Variants in FADS1 observed in about 807,000 individuals in gnomAD.
FADS1 encodes the protein fatty acid desaturase 1.
A neutral mutation model predicts 61.6 loss-of-function variants in FADS1; 17 were observed. The ratio of observed to expected loss-of-function variants is 0.28; its 90% CI spans 0.19 to 0.41. The LOEUF is 0.41. Ranked by LOEUF, FADS1 falls within the 10% of genes least tolerant of loss-of-function variation. The pLI is 1.00. For synonymous variants in FADS1, 238 were observed against 258.7 expected (o/e 0.92, Z 0.77); for missense variants, 387 against 650.9 (o/e 0.59, Z 4.41).
chr11:61,804,640 G>C, intron 7 of FADS1, 45 bp downstream of exon 7: 1 of 1,546,864 alleles, frequency 6.5e-7, no homozygotes, highest in Non-Finnish European at 8.9e-7. Flanking sequence ...CCCACTCTGG[G>C]TGCTGGAGAC....
At chr11:61,811,138 C>T (rs1157113769) in intron 3 of FADS1, 63 bp from the exon 4 acceptor site, 23 of 1,214,510 alleles carry the variant, frequency 1.9e-5, no homozygotes, top group Non-Finnish European at 2.5e-5. Flanking sequence ...TCACTGACCT[C>T]GATGCCTCCT....
At position 61,799,905 on chromosome 11, in the gene FADS1, C is replaced by T. The variant is rs571947776; in HGVS notation, c.*2506G>A. On this transcript the variant is annotated 3_prime_UTR_variant, in exon 12 of 12. Transcript: ENST00000350997. Reference sequence around the variant, plus strand: ...GAGATCACTCATTTTACCATTGTAACATTCCGAGCCTTTTGTCACTGTGTG... The same window carrying T: ...GAGATCACTCATTTTACCATTGTAATATTCCGAGCCTTTTGTCACTGTGTG... The T allele has an allele frequency of 6.5e-6, 1 of 152,886 alleles. No homozygotes were observed. Among genetic ancestry groups the T allele is most frequent in the African/African-American group, 2.4e-5 (1 of 41,548 alleles). 9.5% of individuals were successfully genotyped at this position (152,886 alleles called of 1,614,324 possible).
rs1234259120 is a variant in FADS1 at position 61,815,311 on chromosome 11, T to G, written c.375+1244A>C. 1 of 161,280 alleles carries G rather than the reference T, an allele frequency of 6.2e-6. No individual in the cohort carries two copies. The highest frequency in any genetic ancestry group is 6.5e-5 in the Admixed American group (1 of 15,314). The allele number at this position is 161,280 out of a possible 1,614,324, so 10.0% of individuals were successfully genotyped here. On this transcript the variant is annotated intron_variant, in intron 1 of 11. Transcript: ENST00000350997. The surrounding 1 kb of genome is among the most constrained non-coding windows in gnomAD (Gnocchi z 6.4). ...GTCTGCGCATGCGCCGGGACACGCC[T>G]GCGCCCTTGGCCGCAGTCAGGGCTC...
rs2066979403 is a variant in FADS1 at position 61,816,104 on chromosome 11, C to A, written c.375+451G>T. 1.5e-6 allele frequency: 1 copy of A among 655,148 alleles called. No individual in the cohort carries two copies. 40.6% of individuals were successfully genotyped at this position (655,148 alleles called of 1,614,324 possible). On this transcript the variant is annotated intron_variant, in intron 1 of 11. Transcript: ENST00000350997. This position sits in a 1 kb window ranked among gnomAD's most constrained non-coding sequence, Gnocchi z 7.0. ...TCCTGCTGGCGAGTGGAGACCGGCACCTAGGTCCAGACGCGGCTGCGCTGC... is the reference window on the plus strand; with the variant it reads ...TCCTGCTGGCGAGTGGAGACCGGCAACTAGGTCCAGACGCGGCTGCGCTGC...
In FADS1 at chr11:61,801,452, T is replaced by G. The variant is rs904519793; in HGVS notation, c.*959A>C. The G allele has an allele frequency of 1.3e-5, 2 of 152,356 alleles. No individual in the cohort carries two copies. The highest frequency in any genetic ancestry group is 4.8e-5 in the African/African-American group (2 of 41,458). The allele number at this position is 152,356 out of a possible 1,614,324, so 9.4% of individuals were successfully genotyped here. ...TAAAGAGGTGAAAAGAAGAGGTGAA[T>G]TAAAAGATGAAAGAGCTTTTTAAAT... On this transcript the variant is annotated 3_prime_UTR_variant, in exon 12 of 12. Transcript: ENST00000350997.
At chr11:61,810,000 C>T (rs1247944399) in intron 5 of FADS1, among the ~76,000 whole-genome samples, 1 of 152,164 alleles carries the variant, frequency 6.6e-6, no homozygotes, top group Non-Finnish European at 1.5e-5. Flanking sequence ...GCTGAAATGT[C>T]ACAAAGTGGA....
chr11:61,803,285 T>C lies in FADS1; in HGVS notation c.1248+78A>G, dbSNP rs148993599. ...GAGAAAATGCTGTTTGGGGGACTTT[T>C]TGTTTTTGCTGTTTTCACCTACGCA... is the stretch of plus-strand genomic sequence containing the variant. On this transcript the variant is annotated intron_variant, in intron 9 of 11. Transcript: ENST00000350997. The surrounding 1 kb of genome is among the most constrained non-coding windows in gnomAD (Gnocchi z 4.3). 2.3e-4 allele frequency: 312 copies of C among 1,367,286 alleles called. No individual in the cohort carries two copies. Among genetic ancestry groups the C allele is most frequent in the Middle Eastern group, 8.9e-4 (5 of 5,600 alleles). The allele number at this position is 1,367,286 out of a possible 1,614,324, so 84.7% of individuals were successfully genotyped here.
At chr11:61,813,892 G>GT in intron 1 of FADS1, among the ~76,000 whole-genome samples, 1 of 151,466 alleles carries the variant, frequency 6.6e-6, no homozygotes, top group Admixed American at 6.6e-5. Flanking sequence ...GTGAACCCCG[G>GT]GGGAGGGCGG....
intron 7 of FADS1, chr11:61,804,046 A>G: frequency 2.0e-6 from 1 of 492,998 alleles, no homozygotes; most frequent in East Asian, 3.7e-5. Flanking sequence ...ATCCTTCAGC[A>G]TGCCGCCAAA....
rs1248901169 is a variant in FADS1, at chr11:61,802,306, C to A, written c.*105G>T. 1 of 1,031,568 alleles carries A rather than the reference C, an allele frequency of 9.7e-7. No individual in the cohort carries two copies. The highest frequency in any genetic ancestry group is 1.6e-5 in the African/African-American group (1 of 62,998). 63.9% of individuals were successfully genotyped at this position (1,031,568 alleles called of 1,614,324 possible). The stretch of plus-strand genomic sequence containing the variant: ...AGAGGCTTTATGTCCCCAAACCCAA[C>A]CCCCTCTGAGTATTAAACTATAGTG... On this transcript the variant is annotated 3_prime_UTR_variant, in exon 12 of 12. Transcript: ENST00000350997. This position sits in a 1 kb window ranked among gnomAD's most constrained non-coding sequence, Gnocchi z 4.2.
At chr11:61,806,366 G>T in intron 6 of FADS1, 5 of 285,068 alleles carry the variant, frequency 1.8e-5, no homozygotes, top group East Asian at 6.7e-5. Flanking sequence ...AAAAAAAAAA[G>T]ATAAGGTTGA....
intron 3 of FADS1, chr11:61,811,781 G>T (rs774622044): frequency 5.3e-6 from 2 of 376,808 alleles, no homozygotes; most frequent in African/African-American, 2.2e-5. Flanking sequence ...TAGAGACGGG[G>T]TTTCACCATG....
rs1286184932 is a variant in FADS1, at chr11:61,803,321, T to C, written c.1248+42A>G. The C allele has an allele frequency of 6.6e-7, 1 of 1,513,810 alleles. No homozygotes were observed. The highest frequency in any genetic ancestry group is 1.1e-5 in the South Asian group (1 of 88,996). The allele number at this position is 1,513,810 out of a possible 1,614,324, so 93.8% of individuals were successfully genotyped here. ...GTTTTCACCTACGCATCCTTTTCAA[T>C]AGTTGTGTTATGCTCCAGTCTTCTG... On this transcript the variant is annotated intron_variant, in intron 9 of 11. Transcript: ENST00000350997. The surrounding 1 kb of genome is among the most constrained non-coding windows in gnomAD (Gnocchi z 4.3).
rs765576634 is a variant in FADS1, at chr11:61,816,689, C to T, written c.241G>A (p.Glu81Lys). 1 of 1,585,574 alleles carries T rather than the reference C, an allele frequency of 6.3e-7. No homozygotes were observed. Among genetic ancestry groups the T allele is most frequent in the Non-Finnish European group, 8.6e-7 (1 of 1,166,538 alleles). ...TCGCACCCTGAGCGCTGGGCCACCTCGTCCCAGGTGAAGTAGCGCGGGGTA... is the reference window on the plus strand; with the variant it reads ...TCGCACCCTGAGCGCTGGGCCACCTTGTCCCAGGTGAAGTAGCGCGGGGTA... The part of the protein sequence containing the change: ...GPTPRYFTWD[E>K]VAQRSGCEER... The change falls in exon 1 of 12, where the codon GAG (glutamate) becomes AAG (lysine). Residue 81 changes from glutamate (E) to lysine (K), a missense_variant. Coordinates refer to ENST00000350997, the MANE Select transcript of FADS1 (RefSeq NM_013402.7). The surrounding 1 kb of genome is among the most constrained non-coding windows in gnomAD (Gnocchi z 7.0).
intron 3 of FADS1, among the ~76,000 whole-genome samples, chr11:61,811,568 A>G (rs2135939150): frequency 1.4e-5 from 2 of 144,264 alleles, no homozygotes; most frequent in South Asian, 2.2e-4. Flanking sequence ...GGCCTCCCAA[A>G]CTGCTGGGAT....
In FADS1 at chr11:61,816,762, T is replaced by G; in HGVS notation, c.168A>C (p.Pro56=). Residue 56 remains proline (P), a synonymous_variant, in exon 1 of 12, where the codon CCA becomes CCC. Transcript: ENST00000350997. This position sits in a 1 kb window ranked among gnomAD's most constrained non-coding sequence, Gnocchi z 7.0. Reference sequence around the variant, plus strand: ...CGGCCACCGGGTCGGGGGCCATAGCTGGCCTGGCGACGCCGCGCGCCGGGC... The same window carrying G: ...CGGCCACCGGGTCGGGGGCCATAGCGGGCCTGGCGACGCCGCGCGCCGGGC... ...PAGPARGVAR[P]AMAPDPVAAE... is the part of the protein sequence containing the mutation. 6.5e-7 allele frequency: 1 copy of G among 1,533,112 alleles called. No individual in the cohort carries two copies. Among genetic ancestry groups the G allele is most frequent in the Non-Finnish European group, 8.7e-7 (1 of 1,143,018 alleles). 95.0% of individuals were successfully genotyped at this position (1,533,112 alleles called of 1,614,324 possible).
chr11:61,810,616 C>T, intron 5 of FADS1, 135 bp downstream of exon 5: 3 of 1,167,260 alleles, frequency 2.6e-6, no homozygotes, highest in Non-Finnish European at 2.4e-6. Context: ...CCAGAACTTC[C>T]AAAATGGCAA....
At chr11:61,806,851 C>A in intron 5 of FADS1, 127 bp from the exon 6 acceptor site, 1 of 822,238 alleles carries the variant, frequency 1.2e-6, no homozygotes, top group South Asian at 1.4e-5. Context: ...TATTGGAAAG[C>A]TCCAAGAGGC....
Position 61,816,543 on chromosome 11 carries a change from G to C in FADS1, c.375+12C>G, listed in dbSNP as rs367757971. On this transcript the variant is annotated intron_variant, in intron 1 of 11. Coordinates refer to ENST00000350997, the MANE Select transcript of FADS1 (RefSeq NM_013402.7). This position sits in a 1 kb window ranked among gnomAD's most constrained non-coding sequence, Gnocchi z 7.0. ...CCCGCCCTCTCCTGTGCCCCCGCCT[G>C]GCTGCGCTCACCGTGGCATCCTGCC... is the stretch of plus-strand genomic sequence containing the variant. 6.2e-6 allele frequency: 10 copies of C among 1,600,038 alleles called. No homozygotes were observed. The highest frequency in any genetic ancestry group is 8.5e-6 in the Non-Finnish European group (10 of 1,174,496).
Sources: gnomAD v4.1 joint callset for allele counts (sites outside exome capture counted in the v4.1 genomes callset) on GRCh38, gnomAD v4.1.1 for gene constraint, Gnocchi (gnomAD v3.1) non-coding constraint, MANE v1.5 for transcripts, NCBI Gene and HGNC (gene_info 2026-07-23, HGNC 2026-07-21) for gene names.